PPP1R16B: variants seen among roughly 807,000 people sequenced by gnomAD.
The protein encoded by PPP1R16B is protein phosphatase 1 regulatory inhibitor subunit 16B.
A neutral mutation model predicts 61.7 loss-of-function variants in PPP1R16B; 14 were observed. That is an observed-to-expected ratio of 0.23 (90% CI 0.15 to 0.35). PPP1R16B has a LOEUF of 0.35. Ranked by LOEUF, PPP1R16B falls within the 10% of genes least tolerant of loss-of-function variation. The pLI is 1.00. For synonymous variants in PPP1R16B, 266 were observed against 305.3 expected (o/e 0.87, Z 1.34); for missense variants, 547 against 752.5 (o/e 0.73, Z 3.19).
chr20:38,848,723 C>T (rs1286792840), intron 2 of PPP1R16B, among the ~76,000 whole-genome samples: 1 of 152,172 alleles, frequency 6.6e-6, no homozygotes, highest in Admixed American at 6.5e-5. Flanking sequence ...AAACCAAATA[C>T]AGCATGTTCT....
chr20:38,892,607 C>A (rs1712586168), intron 3 of PPP1R16B, among the ~76,000 whole-genome samples: 1 of 152,140 alleles, frequency 6.6e-6, no homozygotes, highest in African/African-American at 2.4e-5. Flanking sequence ...TCTCAGAGTT[C>A]AGAGTGTGCT....
chr20:38,892,541 A>G (rs1016308961), intron 3 of PPP1R16B, among the ~76,000 whole-genome samples: 1 of 152,066 alleles, frequency 6.6e-6, no homozygotes, highest in East Asian at 1.9e-4. Context: ...TACCCACTCC[A>G]TGCCAGCTGT....
At chr20:38,861,587 TC>T (rs956217674) in intron 2 of PPP1R16B, among the ~76,000 whole-genome samples, 3 of 151,040 alleles carry the variant, frequency 2.0e-5, no homozygotes, top group Non-Finnish European at 2.9e-5. Context: ...GACATCTTCT[TC>T]CCCCCCACCC....
intron 1 of PPP1R16B, among the ~76,000 whole-genome samples, chr20:38,816,111 TC>T (rs540696176): frequency 5.0e-4 from 76 of 152,184 alleles, no homozygotes; most frequent in African/African-American, 1.6e-3. Flanking sequence ...ATGGAGCTTA[TC>T]CTTAGTGGGG....
At chr20:38,877,012 CT>C (rs1181849713) in intron 2 of PPP1R16B, among the ~76,000 whole-genome samples, 3 of 151,992 alleles carry the variant, frequency 2.0e-5, no homozygotes, top group Non-Finnish European at 4.4e-5. Context: ...AGTTTTGACT[CT>C]TTGTTTTTCC....
chr20:38,860,204 G>A (rs2085038633), intron 2 of PPP1R16B, among the ~76,000 whole-genome samples: 1 of 152,056 alleles, frequency 6.6e-6, no homozygotes, highest in African/African-American at 2.4e-5. Flanking sequence ...CTGACCTCAG[G>A]TGATCCTCCC....
intron 2 of PPP1R16B, among the ~76,000 whole-genome samples, chr20:38,888,876 AACACACACACACACACACACACAC>A (rs1181903301): frequency 3.6e-5 from 4 of 112,302 alleles, no homozygotes; most frequent in South Asian, 7.0e-4. Context: ...AGAATCCCTG[AACACACACACACACACACACACAC>A]ACACACACAC....
intron 2 of PPP1R16B, chr20:38,838,294 G>C (rs2084885839): frequency 6.6e-6 from 1 of 152,442 alleles, no homozygotes; most frequent in African/African-American, 2.4e-5. Flanking sequence ...CATGCTTCCT[G>C]GGTCCCTGCA....
chr20:38,884,586 G>A (rs2085228796), intron 2 of PPP1R16B, among the ~76,000 whole-genome samples: 1 of 152,182 alleles, frequency 6.6e-6, no homozygotes, highest in African/African-American at 2.4e-5. Context: ...TGGCTCACAG[G>A]CCATAGTTTG....
chr20:38,809,117 C>T (rs1023134397), intron 1 of PPP1R16B, among the ~76,000 whole-genome samples: 2 of 152,108 alleles, frequency 1.3e-5, no homozygotes, highest in Admixed American at 1.3e-4. Flanking sequence ...ACCATCACTA[C>T]TATTTCCTCC....
chr20:38,910,533 T>C (rs1229915587), intron 10 of PPP1R16B, among the ~76,000 whole-genome samples: 4 of 147,476 alleles, frequency 2.7e-5, no homozygotes, highest in Non-Finnish European at 4.5e-5. Context: ...GCAGTAGTTT[T>C]TTTTTGTTTT....
At chr20:38,896,179 T>TTCCC (rs2085346879) in intron 4 of PPP1R16B, among the ~76,000 whole-genome samples, 1 of 83,116 alleles carries the variant, frequency 1.2e-5, no homozygotes, top group Non-Finnish European at 2.3e-5. Context: ...TCCTTCTTTC[T>TTCCC]TCCCTCCCTT....
chr20:38,885,499 G>C (rs990048754), intron 2 of PPP1R16B, among the ~76,000 whole-genome samples: 1 of 152,166 alleles, frequency 6.6e-6, no homozygotes, highest in Non-Finnish European at 1.5e-5. Context: ...CACAGGTCTC[G>C]ACGTGGCAGA....
chr20:38,889,828 A>G (rs1601292826), intron 3 of PPP1R16B, among the ~76,000 whole-genome samples, 163 bp downstream of exon 3: 1 of 152,274 alleles, frequency 6.6e-6, no homozygotes, highest in African/African-American at 2.4e-5. Context: ...TACTTTGGAG[A>G]TACGCGTGTC....
chr20:38,830,756 C>T (rs989283362), intron 1 of PPP1R16B, among the ~76,000 whole-genome samples: 5 of 152,154 alleles, frequency 3.3e-5, no homozygotes, highest in African/African-American at 9.7e-5. Flanking sequence ...CTGTGTGGGT[C>T]CATGTTACGT....
At chr20:38,813,553 C>T (rs1185733692) in intron 1 of PPP1R16B, among the ~76,000 whole-genome samples, 1 of 152,138 alleles carries the variant, frequency 6.6e-6, no homozygotes, top group African/African-American at 2.4e-5. Context: ...TGCTGATGGG[C>T]ACAGTGGCAC....
At chr20:38,858,241 A>G (rs940909932) in intron 2 of PPP1R16B, among the ~76,000 whole-genome samples, 1 of 152,070 alleles carries the variant, frequency 6.6e-6, no homozygotes, top group East Asian at 1.9e-4. Context: ...AACACAGTGT[A>G]GTCTATAGCA....
chr20:38,918,224 A>C lies in PPP1R16B; in HGVS notation c.1262A>C (p.Asp421Ala). ...FPTKIPRGELDMPVENGLRAP... is the reference protein window; with the variant it reads ...FPTKIPRGELAMPVENGLRAP... ...ACCAAGATCCCACGAGGTGAACTGG[A>C]CATGCCTGTTGAGAATGGCCTCCGG... is the stretch of plus-strand genomic sequence containing the variant. The change falls in exon 11 of 11, where the codon GAC becomes GCC. Residue 421 changes from aspartate (D) to alanine (A), a missense_variant. Transcript: ENST00000299824. This position sits in a 1 kb window ranked among gnomAD's most constrained non-coding sequence, Gnocchi z 5.3. 6.2e-7 allele frequency: 1 copy of C among 1,614,198 alleles called. No homozygotes were observed. Among genetic ancestry groups the C allele is most frequent in the South Asian group, 1.1e-5 (1 of 91,084 alleles).
At position 38,918,679 on chromosome 20, in the gene PPP1R16B, G is replaced by A. The variant is rs995438762; in HGVS notation, c.*13G>A. 1.3e-6 allele frequency: 2 copies of A among 1,497,570 alleles called. No individual in the cohort carries two copies. Among genetic ancestry groups the A allele is most frequent in the Non-Finnish European group, 1.8e-6 (2 of 1,126,362 alleles). The allele number at this position is 1,497,570 out of a possible 1,614,324, so 92.8% of individuals were successfully genotyped here. A position where few individuals can be genotyped will look rare whatever the true frequency, so the allele number is the denominator to read the frequency against. On this transcript the variant is annotated 3_prime_UTR_variant, in exon 11 of 11. Transcript: ENST00000299824. The surrounding 1 kb of genome is among the most constrained non-coding windows in gnomAD (Gnocchi z 5.3). ...CCGTATCTCCTAGTCTCCGTGTGAT[G>A]GAGGAGGGAGATGCCTGGGGAGGGG...
Sources: gnomAD v4.1 joint callset for allele counts (sites outside exome capture counted in the v4.1 genomes callset) on GRCh38, gnomAD v4.1.1 for gene constraint, Gnocchi (gnomAD v3.1) non-coding constraint, MANE v1.5 for transcripts, NCBI Gene and HGNC (gene_info 2026-07-23, HGNC 2026-07-21) for gene names.